KSR1: variants seen among roughly 807,000 people sequenced by gnomAD.
KSR1 encodes the protein kinase suppressor of ras 1.
Under a neutral mutation model 92.9 loss-of-function variants are expected in KSR1, and 35 were observed. The ratio of observed to expected loss-of-function variants is 0.38; its 90% CI spans 0.29 to 0.50. The LOEUF is 0.50. Among genes scored for constraint, KSR1 ranks in the 20% least tolerant of loss-of-function variants. The probability of loss-of-function intolerance (pLI) is 0.94; values close to 1 mark genes in which losing one functional copy is unlikely to be tolerated. For synonymous variants in KSR1, 467 were observed against 472.6 expected, an observed-to-expected ratio of 0.99 and a Z score of 0.15; for missense variants, 972 against 1,158.5, an observed-to-expected ratio of 0.84 and a Z score of 2.34.
chr17:27,579,179 CG>C (rs2151159517), intron 3 of KSR1: 1 of 152,470 alleles, frequency 6.6e-6, no homozygotes, highest in South Asian at 2.1e-4. Context: ...CTGCACTTCA[CG>C]GGCACCTGCT....
chr17:27,525,991 ACTTTTCTTTT>A (rs138403263), intron 1 of KSR1, among the ~76,000 whole-genome samples: 130 of 71,184 alleles, frequency 1.8e-3, no homozygotes, highest in Admixed American at 4.3e-3. Flanking sequence ...ACTGCAACTA[ACTTTTCTTTT>A]CTTTTCTTTT....
chr17:27,623,516 T>C lies in KSR1; in HGVS notation c.*124T>C. The C allele has an allele frequency of 1.5e-6, 1 of 688,784 alleles. No individual in the cohort carries two copies. The highest frequency in any genetic ancestry group is 2.6e-6 in the Non-Finnish European group (1 of 381,366). 42.7% of individuals were successfully genotyped at this position (688,784 alleles called of 1,614,324 possible). A position where few individuals can be genotyped will look rare whatever the true frequency, so the allele number is the denominator to read the frequency against. ...CGCTGCAAACCAGGAGCACACGTCC[T>C]AGATTCAGACTGTTGGCCATAAACC... is the stretch of plus-strand genomic sequence containing the variant. On this transcript the variant is annotated 3_prime_UTR_variant, in exon 21 of 21. Coordinates refer to ENST00000644974, the MANE Select transcript of KSR1 (RefSeq NM_001394583.1).
chr17:27,522,645 G>A (rs982471679), intron 1 of KSR1, among the ~76,000 whole-genome samples: 3 of 152,192 alleles, frequency 2.0e-5, no homozygotes, highest in African/African-American at 7.2e-5. Context: ...GTTGGTATTG[G>A]AGAGGGCTTG....
At chr17:27,533,947 AC>A (rs1448757602) in intron 1 of KSR1, among the ~76,000 whole-genome samples, 28 of 144,714 alleles carry the variant, frequency 1.9e-4, no homozygotes, top group Non-Finnish European at 1.7e-4. Context: ...GTCCAAGGTG[AC>A]AGGTGCGTGT....
rs1300655042 is a variant in KSR1 at position 27,471,785 on chromosome 17, G to A, written c.231+14911G>A. 1.2e-4 allele frequency among the ~76,000 whole-genome samples: 18 copies of A among 152,230 alleles called. 1 individual carries two copies. The highest frequency in any genetic ancestry group is 1.2e-3 in the Admixed American group (18 of 15,284). On this transcript the variant is annotated intron_variant, in intron 1 of 20. Transcript: ENST00000644974. ...TTGTGCTCCAGAAAGCCAGCTTAGT[G>A]GGGGAGTTTGTGGATGAGTAAACTC...
chr17:27,622,799 A>C, intron 20 of KSR1: 1 of 181,376 alleles, frequency 5.5e-6, no homozygotes, highest in South Asian at 1.3e-4. Flanking sequence ...TGTTTACCAA[A>C]TGCAGGTTTC....
intron 1 of KSR1, among the ~76,000 whole-genome samples, chr17:27,528,107 C>T (rs2070386226): frequency 6.6e-6 from 1 of 152,108 alleles, no homozygotes; most frequent in Non-Finnish European, 1.5e-5. Flanking sequence ...ACTCTGTTGC[C>T]GAGGCTGGAG....
In KSR1 at chr17:27,623,721, C is replaced by T. The variant is rs2074284968; in HGVS notation, c.*329C>T. The T allele has an allele frequency of 2.3e-5, 13 of 566,086 alleles. No homozygotes were observed. Among genetic ancestry groups the T allele is most frequent in the South Asian group, 1.4e-4 (6 of 42,622 alleles). 35.1% of individuals were successfully genotyped at this position (566,086 alleles called of 1,614,324 possible). A position where few individuals can be genotyped will look rare whatever the true frequency, so the allele number is the denominator to read the frequency against. ...GCACTGGCACTGACGGCCAGGATGGCGGAAATGGCCATCCCCTCTGAGGAC... is the reference window on the plus strand; with the variant it reads ...GCACTGGCACTGACGGCCAGGATGGTGGAAATGGCCATCCCCTCTGAGGAC... On this transcript the variant is annotated 3_prime_UTR_variant, in exon 21 of 21. Transcript: ENST00000644974.
chr17:27,536,438 C>G lies in KSR1; in HGVS notation c.232-14130C>G, dbSNP rs73983462. On this transcript the variant is annotated intron_variant, in intron 1 of 20. Transcript: ENST00000644974. ...CCCACACTGCCACTAACTAAATTAC[C>G]TTTTGTTCTCATCGTTTGCTGAATT... is the stretch of plus-strand genomic sequence containing the variant. Among the ~76,000 whole-genome samples, 709 of 152,300 alleles carry G rather than the reference C, an allele frequency of 4.7e-3. 7 individuals carry two copies. The highest frequency in any genetic ancestry group is 0.016 in the African/African-American group (665 of 41,564).
rs370358337 is a variant in KSR1 at position 27,582,937 on chromosome 17, C to G, written c.812C>G (p.Pro271Arg). ...TPRALHSFIT[P>R]PTTPQLRRHT... ...CGTGCCCTGCACAGCTTCATCACCC[C>G]GCCCACCACACCCCAGCTGCGACGG... Residue 271 changes from proline to arginine, a missense_variant, in exon 4 of 21, where the codon CCG (proline) becomes CGG (arginine). Physicochemically the swap from Pro to Arg is moderately radical, Grantham distance 103. Coordinates refer to ENST00000644974, the MANE Select transcript of KSR1 (RefSeq NM_001394583.1). 1.9e-6 allele frequency: 3 copies of G among 1,610,172 alleles called. No homozygotes were observed. The highest frequency in any genetic ancestry group is 2.5e-6 in the Non-Finnish European group (3 of 1,177,884).
rs1430719435 is a variant in KSR1, at chr17:27,462,408, G to A, written c.231+5534G>A. ...AAAAGGGCTGGGCCGAGGGCATTCC[G>A]TGGCTCAACTCTAGATGTTTGGGCT... On this transcript the variant is annotated intron_variant, in intron 1 of 20. Transcript: ENST00000644974. Among the ~76,000 whole-genome samples the A allele has an allele frequency of 6.6e-5, 10 of 152,270 alleles. No homozygotes were observed. In the East Asian group the frequency reaches 9.7e-4, roughly 15 times the overall value.
chr17:27,537,457 C>T (rs1036321523), intron 1 of KSR1, among the ~76,000 whole-genome samples: 12 of 152,222 alleles, frequency 7.9e-5, no homozygotes, highest in East Asian at 7.7e-4. Context: ...TTTGGGAGGC[C>T]GAGGCGGCAG....
intron 1 of KSR1, among the ~76,000 whole-genome samples, chr17:27,508,624 G>A (rs1033596613): frequency 6.6e-6 from 1 of 152,164 alleles, no homozygotes; most frequent in Non-Finnish European, 1.5e-5. Context: ...CTCACAGGAG[G>A]TGCAGGAAGG....
At position 27,541,793 on chromosome 17, in the gene KSR1, T is replaced by G. The variant is rs143801075; in HGVS notation, c.232-8775T>G. 2.0e-3 allele frequency among the ~76,000 whole-genome samples: 308 copies of G among 152,306 alleles called. 2 individuals carry two copies. Among genetic ancestry groups the G allele is most frequent in the African/African-American group, 6.0e-3 (249 of 41,566 alleles). On this transcript the variant is annotated intron_variant, in intron 1 of 20. Transcript: ENST00000644974. ...GGGAATGATGAAGTACACCTTTAAG[T>G]CTTGTGGGTTTCACATGAGAGGTTT... is the stretch of plus-strand genomic sequence containing the variant.
intron 1 of KSR1, among the ~76,000 whole-genome samples, 193 bp from the exon 2 acceptor site, chr17:27,550,375 C>T (rs2071352305): frequency 6.6e-6 from 1 of 152,194 alleles, no homozygotes; most frequent in Admixed American, 6.5e-5. Context: ...TCATGGGTGG[C>T]CACCAGCCTC....
intron 1 of KSR1, among the ~76,000 whole-genome samples, chr17:27,508,844 C>G (rs923544655): frequency 3.3e-5 from 5 of 151,988 alleles, no homozygotes; most frequent in South Asian, 2.1e-4. Context: ...ATTCTCCTGC[C>G]TCAGCCACCC....
At chr17:27,532,406 C>G (rs1432880551) in intron 1 of KSR1, among the ~76,000 whole-genome samples, 1 of 152,242 alleles carries the variant, frequency 6.6e-6, no homozygotes, top group African/African-American at 2.4e-5. Flanking sequence ...CGGCAGAGCA[C>G]TTTCAGGTAC....
At chr17:27,514,764 G>C (rs571037787) in intron 1 of KSR1, among the ~76,000 whole-genome samples, 1 of 152,084 alleles carries the variant, frequency 6.6e-6, no homozygotes, top group South Asian at 2.1e-4. Flanking sequence ...ACGGCTCCAC[G>C]TTGCTGCCTC....
chr17:27,570,999 G>A (rs1001673275), intron 2 of KSR1, among the ~76,000 whole-genome samples: 1 of 152,202 alleles, frequency 6.6e-6, no homozygotes, highest in Non-Finnish European at 1.5e-5. Context: ...TGGGAAATCC[G>A]AAGCCCAAAG....
Sources: allele counts gnomAD v4.1 joint callset (sites outside exome capture counted in the v4.1 genomes callset), GRCh38; gene constraint gnomAD v4.1.1; transcripts MANE v1.5; gene names NCBI Gene and HGNC (gene_info 2026-07-23, HGNC 2026-07-21).